Variants in KDM6A observed in about 807,000 individuals in gnomAD.
KDM6A encodes the protein lysine-specific demethylase 6A.
Under a neutral mutation model 117.6 loss-of-function variants are expected in KDM6A, and 11 were observed. That is an observed-to-expected ratio of 0.09 (90% CI 0.06 to 0.15). The LOEUF (loss-of-function observed/expected upper bound fraction) is 0.15. Among genes scored for constraint, KDM6A ranks in the 10% least tolerant of loss-of-function variants. KDM6A has a pLI of 1.00. For missense variants in KDM6A, 799 were observed against 1,077.3 expected, an observed-to-expected ratio of 0.74 and a Z score of 3.62; for synonymous variants, 384 against 396.1, an observed-to-expected ratio of 0.97 and a Z score of 0.36.
At chrX:44,934,824 C>A (rs763174248) in intron 2 of KDM6A, among the ~76,000 whole-genome samples, 1 of 110,910 alleles carries the variant, frequency 9.0e-6, no homozygotes, top group African/African-American at 3.3e-5. Flanking sequence ...TGTTAGAATT[C>A]TAGATAGGAG....
At chrX:45,000,955 G>A (rs1464822605) in intron 4 of KDM6A, among the ~76,000 whole-genome samples, 1 of 113,179 alleles carries the variant, frequency 8.8e-6, no homozygotes, top group Non-Finnish European at 1.9e-5. Context: ...TGTTCAACCT[G>A]TGGACGGAAT....
At chrX:45,017,524 C>CTTAT in intron 5 of KDM6A, among the ~76,000 whole-genome samples, 1 of 95,752 alleles carries the variant, frequency 1.0e-5, no homozygotes, top group South Asian at 4.1e-4. Context: ...GTTTTTATTT[C>CTTAT]TTATTTATTT....
chrX:45,051,056 C>T (rs1284276800), intron 8 of KDM6A, among the ~76,000 whole-genome samples: 1 of 111,704 alleles, frequency 9.0e-6, no homozygotes, highest in Non-Finnish European at 1.9e-5. Flanking sequence ...GTTGCCCAGG[C>T]TGGAGTGCAG....
At chrX:45,083,333 T>C (rs970057883) in intron 23 of KDM6A, 127 bp from the exon 24 acceptor site, 6 of 627,119 alleles carry the variant, frequency 9.6e-6, no homozygotes, top group East Asian at 7.5e-5. Context: ...CATTTTCTTA[T>C]GGAAAAGTAA....
At chrX:44,948,078 C>T (rs910936939) in intron 2 of KDM6A, among the ~76,000 whole-genome samples, 2 of 112,226 alleles carry the variant, frequency 1.8e-5, no homozygotes, top group African/African-American at 6.5e-5. Flanking sequence ...TTTAATCTGA[C>T]ATCTTTAGTT....
At chrX:44,995,492 C>T (rs896636164) in intron 4 of KDM6A, among the ~76,000 whole-genome samples, 7 of 110,193 alleles carry the variant, frequency 6.4e-5, no homozygotes, top group East Asian at 2.8e-4. Flanking sequence ...TTATTTGAGA[C>T]GGAGTCTTGC....
rs142705163 is a variant in KDM6A at position 44,915,560 on chromosome X, A to G, written c.225+41573A>G. ...CCACGGTTTCACTTTGTGTGGTTTC[A>G]GTTGACCTGTGGTTAACTGCAGTCA... On this transcript the variant is annotated intron_variant, in intron 2 of 29. Coordinates refer to ENST00000611820, the MANE Select transcript of KDM6A (RefSeq NM_001291415.2). 9.5e-3 allele frequency among the ~76,000 whole-genome samples: 1,068 copies of G among 112,368 alleles called. 13 individuals are homozygous for G. The highest frequency in any genetic ancestry group is 0.054 in the South Asian group (147 of 2,712).
chrX:45,039,108 A>G lies in KDM6A; in HGVS notation c.654+1419A>G, dbSNP rs780204467. On this transcript the variant is annotated intron_variant, in intron 8 of 29. Transcript: ENST00000611820. Reference sequence around the variant, plus strand: ...GTTCCCAAACCCAGCTCTATGGCAGAATTATTTGGGAAGCTTTATAAATCA... The same window carrying G: ...GTTCCCAAACCCAGCTCTATGGCAGGATTATTTGGGAAGCTTTATAAATCA... 5.4e-5 allele frequency among the ~76,000 whole-genome samples: 6 copies of G among 111,075 alleles called. No homozygotes were observed. In the South Asian group the frequency reaches 2.3e-3, roughly 42 times the overall value.
intron 6 of KDM6A, 132 bp downstream of exon 6, chrX:45,020,862 A>G (rs1272938512): frequency 4.3e-6 from 3 of 698,698 alleles, no homozygotes; most frequent in African/African-American, 2.2e-5. Flanking sequence ...TTGAAAATTC[A>G]GGTGACAGAA....
intron 2 of KDM6A, among the ~76,000 whole-genome samples, chrX:44,937,394 T>C (rs780964831): frequency 2.7e-5 from 3 of 111,628 alleles, no homozygotes; most frequent in African/African-American, 9.8e-5. Context: ...ACAAATCTAT[T>C]GGAACCATTT....
chrX:44,894,701 C>T (rs368771900), intron 2 of KDM6A, among the ~76,000 whole-genome samples: 1 of 108,194 alleles, frequency 9.2e-6, no homozygotes, highest in East Asian at 2.9e-4. Context: ...CTGCAACCTC[C>T]GGCTCCTGGG....
At chrX:44,994,604 C>T (rs755907999) in intron 4 of KDM6A, among the ~76,000 whole-genome samples, 24 of 111,925 alleles carry the variant, frequency 2.1e-4, no homozygotes, top group Non-Finnish European at 3.8e-4. Flanking sequence ...GTTTTAGTGC[C>T]GCAAAAGAAA....
intron 27 of KDM6A, among the ~76,000 whole-genome samples, chrX:45,095,237 A>C (rs1377941116): frequency 1.8e-5 from 2 of 111,241 alleles, no homozygotes; most frequent in Non-Finnish European, 3.8e-5. Flanking sequence ...AGGTAGAGCC[A>C]AGATTTAAAC....
At chrX:45,053,735 G>A in intron 9 of KDM6A, 94 bp from the exon 10 acceptor site, 2 of 683,683 alleles carry the variant, frequency 2.9e-6, no homozygotes, top group Non-Finnish European at 4.6e-6. Context: ...TGACAGAAAA[G>A]AGTACTTTTT....
At chrX:44,977,228 T>C (rs1037732570) in intron 4 of KDM6A, among the ~76,000 whole-genome samples, 1 of 110,607 alleles carries the variant, frequency 9.0e-6, no homozygotes, top group Non-Finnish European at 1.9e-5. Flanking sequence ...CTGCAGTAAA[T>C]AGTCTAGTAA....
chrX:45,078,535 T>C (rs1278465687), intron 20 of KDM6A, 30 bp downstream of exon 20: 1 of 1,131,067 alleles, frequency 8.8e-7, no homozygotes, highest in East Asian at 3.0e-5. Flanking sequence ...AGGAAAACGT[T>C]TGTCTCTTTG....
chrX:45,026,831 CAAAAA>C (rs779434779), intron 6 of KDM6A, among the ~76,000 whole-genome samples: 1 of 42,692 alleles, frequency 2.3e-5, no homozygotes, highest in South Asian at 1.2e-3. Flanking sequence ...AACTCCATCT[CAAAAA>C]AAAAAAAAAA....
chrX:45,061,465 G>A (rs1462072429), intron 15 of KDM6A, 46 bp downstream of exon 15: 3 of 556,418 alleles, frequency 5.4e-6, no homozygotes, highest in Non-Finnish European at 5.8e-6. Context: ...AAGGAGTAGA[G>A]GTAGCAAACA....
At chrX:45,066,775 G>A (rs1362172163) in intron 17 of KDM6A, among the ~76,000 whole-genome samples, 5 of 111,860 alleles carry the variant, frequency 4.5e-5, no homozygotes, top group South Asian at 3.8e-4. Context: ...CTTTAAAAAC[G>A]TAATTCGTAA....
Sources: gnomAD v4.1 joint callset for allele counts (sites outside exome capture counted in the v4.1 genomes callset) on GRCh38, gnomAD v4.1.1 for gene constraint, MANE v1.5 for transcripts, NCBI Gene and HGNC (gene_info 2026-07-23, HGNC 2026-07-21) for gene names.